KIAA0513: variants seen among roughly 807,000 people sequenced by gnomAD.
The protein encoded by KIAA0513 is KIAA0513, also known as uncharacterized protein KIAA0513.
KIAA0513 carries 39 observed loss-of-function variants against 56.5 expected under a neutral mutation model. The ratio of observed to expected loss-of-function variants is 0.69; its 90% CI spans 0.53 to 0.90. The LOEUF (loss-of-function observed/expected upper bound fraction) is 0.90. Among genes scored for constraint, KIAA0513 ranks in the 40% least tolerant of loss-of-function variants. The probability of loss-of-function intolerance (pLI) is 0.00; values close to 1 mark genes in which losing one functional copy is unlikely to be tolerated. For synonymous variants in KIAA0513, 268 were observed against 215.6 expected (o/e 1.24, Z -2.13); for missense variants, 591 against 535.2 (o/e 1.10, Z -1.03).
At chr16:85,069,741 CAG>C (rs945412393) in intron 2 of KIAA0513, among the ~76,000 whole-genome samples, 6 of 152,152 alleles carry the variant, frequency 3.9e-5, no homozygotes, top group South Asian at 2.1e-4. Context: ...GTGAGAAATG[CAG>C]AGTCTTGAGC....
intron 10 of KIAA0513, among the ~76,000 whole-genome samples, chr16:85,082,977 C>T (rs556727142): frequency 3.5e-4 from 53 of 152,382 alleles, no homozygotes; most frequent in Middle Eastern, 3.4e-3. Flanking sequence ...TCTGAGCAGA[C>T]CTGAAAGCCT....
chr16:85,038,974 T>A (rs2073071438), intron 1 of KIAA0513, among the ~76,000 whole-genome samples: 1 of 152,216 alleles, frequency 6.6e-6, no homozygotes, highest in African/African-American at 2.4e-5. Context: ...TGACGTATTT[T>A]ATTCATAGCA....
intron 1 of KIAA0513, among the ~76,000 whole-genome samples, chr16:85,062,446 G>T (rs933150776): frequency 6.6e-6 from 1 of 152,172 alleles, no homozygotes; most frequent in African/African-American, 2.4e-5. Context: ...AAGTGTAACC[G>T]CAGGGGGGTT....
intron 1 of KIAA0513, among the ~76,000 whole-genome samples, chr16:85,052,735 T>A (rs556918680): frequency 1.3e-5 from 2 of 152,256 alleles, no homozygotes; most frequent in South Asian, 4.2e-4. Context: ...TCACTGTGGT[T>A]TGGGGGCAGG....
rs565302534 is a variant in KIAA0513 at position 85,033,856 on chromosome 16, G to A, written c.-173+5998G>A. ...AATTCAAATGATACAGAAAGATGTC[G>A]TAGTTTGTCTCTCCCTGCCCCACCC... On this transcript the variant is annotated intron_variant, in intron 1 of 12. Coordinates refer to ENST00000683363, the MANE Select transcript of KIAA0513 (RefSeq NM_001388359.1). Among the ~76,000 whole-genome samples, 13 of 152,212 alleles carry A rather than the reference G, an allele frequency of 8.5e-5. No individual in the cohort carries two copies. In the South Asian group the frequency reaches 2.7e-3, roughly 32 times the overall value.
intron 1 of KIAA0513, among the ~76,000 whole-genome samples, chr16:85,049,831 G>C (rs1312139586): frequency 6.6e-6 from 1 of 152,146 alleles, no homozygotes; most frequent in Non-Finnish European, 1.5e-5. Flanking sequence ...ACATTCATAA[G>C]GCCCGAGTCC....
Position 85,083,584 on chromosome 16 carries a change from G to C in KIAA0513, c.1010+991G>C, listed in dbSNP as rs184854981. ...CCCAAGGAGGGCTGGGAGCATCCCA[G>C]CGTCCTCTGAGAGCTGGTTGGTACT... On this transcript the variant is annotated intron_variant, in intron 10 of 12. Transcript: ENST00000683363. Among the ~76,000 whole-genome samples the C allele has an allele frequency of 6.6e-5, 10 of 152,312 alleles. No individual in the cohort carries two copies. The South Asian group carries it at 1.0e-3, about 16-fold the overall frequency.
chr16:85,056,795 G>A (rs1033577738), intron 1 of KIAA0513, among the ~76,000 whole-genome samples: 16 of 152,088 alleles, frequency 1.1e-4, no homozygotes, highest in African/African-American at 3.6e-4. Context: ...GAACATCTGG[G>A]GTCAAGGAAT....
chr16:85,052,178 G>A (rs949973500), intron 1 of KIAA0513, among the ~76,000 whole-genome samples: 5 of 151,972 alleles, frequency 3.3e-5, no homozygotes, highest in African/African-American at 1.2e-4. Flanking sequence ...AAATTAGCCG[G>A]GCATGGTGGC....
chr16:85,073,577 A>G (rs920693889), intron 4 of KIAA0513, among the ~76,000 whole-genome samples: 2 of 152,204 alleles, frequency 1.3e-5, no homozygotes, highest in Non-Finnish European at 2.9e-5. Flanking sequence ...CCCATGAGGC[A>G]TAGACCCTCT....
At chr16:85,074,771 C>G (rs1472638593) in intron 4 of KIAA0513, among the ~76,000 whole-genome samples, 1 of 152,088 alleles carries the variant, frequency 6.6e-6, no homozygotes, top group East Asian at 1.9e-4. Flanking sequence ...ATGAAACATT[C>G]TCTCATGCAA....
intron 1 of KIAA0513, among the ~76,000 whole-genome samples, chr16:85,044,014 G>C (rs569795532): frequency 6.6e-6 from 1 of 152,188 alleles, no homozygotes; most frequent in South Asian, 2.1e-4. Context: ...TGGGCAACAA[G>C]AGCAAAACTC....
At position 85,077,624 on chromosome 16, in the gene KIAA0513, G is replaced by C. The variant is rs763707357; in HGVS notation, c.774G>C (p.Arg258Ser). The change falls in exon 6 of 13, where the codon AGG (arginine) becomes AGC (serine). Residue 258 changes from arginine (R) to serine (S), a missense_variant. Coordinates refer to ENST00000683363, the MANE Select transcript of KIAA0513 (RefSeq NM_001388359.1). ...CCAAGCTGAAGGGGCCCCTGGCCAG[G>C]AGGAACGAGTACGTGTGGCCTTGGG... ...LETKLKGPLARRNEEDENKPQ... is the reference protein window; with the variant it reads ...LETKLKGPLASRNEEDENKPQ... 3.7e-6 allele frequency: 6 copies of C among 1,610,674 alleles called. No individual in the cohort carries two copies. In the East Asian group the frequency reaches 1.3e-4, roughly 36 times the overall value.
intron 10 of KIAA0513, among the ~76,000 whole-genome samples, chr16:85,084,498 C>T (rs1597648903): frequency 6.7e-6 from 1 of 148,946 alleles, no homozygotes; most frequent in Middle Eastern, 3.4e-3. Context: ...GGTGCGATCT[C>T]GGCTCACTGC....
intron 1 of KIAA0513, among the ~76,000 whole-genome samples, chr16:85,060,874 CTG>C (rs1196639607): frequency 1.3e-5 from 2 of 151,086 alleles, no homozygotes; most frequent in African/African-American, 4.9e-5. Flanking sequence ...AAGAAAAAGA[CTG>C]GGCCCAGTGG....
chr16:85,037,311 C>T (rs1019718725), intron 1 of KIAA0513, among the ~76,000 whole-genome samples: 1 of 152,036 alleles, frequency 6.6e-6, no homozygotes, highest in African/African-American at 2.4e-5. Flanking sequence ...TGGAAAATGC[C>T]AGAGTCAGTG....
At chr16:85,074,343 T>TACACAC (rs1555524105) in intron 4 of KIAA0513, among the ~76,000 whole-genome samples, 7 of 130,572 alleles carry the variant, frequency 5.4e-5, no homozygotes, top group South Asian at 4.9e-4. Flanking sequence ...TATACACACA[T>TACACAC]ACACACACAC....
chr16:85,077,693 C>T, intron 6 of KIAA0513, 61 bp downstream of exon 6: 1 of 1,316,056 alleles, frequency 7.6e-7, no homozygotes, highest in South Asian at 1.4e-5. Flanking sequence ...TGGTGTGGAG[C>T]TCGGACGGGG....
chr16:85,086,487 G>A (rs1388633234), intron 10 of KIAA0513, among the ~76,000 whole-genome samples, 157 bp from the exon 11 acceptor site: 1 of 152,258 alleles, frequency 6.6e-6, no homozygotes, highest in East Asian at 1.9e-4. Flanking sequence ...CTTGTGGAAG[G>A]CCCAGCACAC....
Sources: allele counts gnomAD v4.1 joint callset (sites outside exome capture counted in the v4.1 genomes callset), GRCh38; gene constraint gnomAD v4.1.1; transcripts MANE v1.5; gene names NCBI Gene and HGNC (gene_info 2026-07-23, HGNC 2026-07-21).